Variants in MGST1 observed in about 807,000 individuals in gnomAD.
MGST1 encodes microsomal glutathione S-transferase 1.
A neutral mutation model predicts 8.9 loss-of-function variants in MGST1; 5 were observed. The ratio of observed to expected loss-of-function variants is 0.56; its 90% CI spans 0.29 to 1.19. The LOEUF is 1.19. Ranked by LOEUF, MGST1 falls within the 50% of genes most tolerant of loss-of-function variation. The pLI, the probability that MGST1 is intolerant of heterozygous loss-of-function variation, is 0.08. For synonymous variants in MGST1, 54 were observed against 67.8 expected (o/e 0.80, Z 1.00); for missense variants, 182 against 187.4 (o/e 0.97, Z 0.17).
intron 4 of MGST1, among the ~76,000 whole-genome samples, chr12:16,506,303 A>T (rs932370885): frequency 2.0e-5 from 3 of 152,122 alleles, no homozygotes; most frequent in African/African-American, 4.8e-5. Context: ...AGTACAGGAG[A>T]ATTACCCTGA....
At position 16,560,757 on chromosome 12, in the gene MGST1, G is replaced by A; in HGVS notation, n.483-28771G>A. On this transcript the variant is annotated intron_variant and non_coding_transcript_variant, in intron 4 of 4. Transcript: ENST00000538857. The surrounding 1 kb of genome is among the most constrained non-coding windows in gnomAD (Gnocchi z 5.0). Reference sequence around the variant, plus strand: ...AATCACATCTTGTTTGAGAAGAAAAGGAAAAGACAAATACATTAGGAAGCT... The same window carrying A: ...AATCACATCTTGTTTGAGAAGAAAAAGAAAAGACAAATACATTAGGAAGCT... The A allele has an allele frequency of 5.2e-6, 3 of 572,990 alleles. No individual in the cohort carries two copies. The highest frequency in any genetic ancestry group is 3.7e-5 in the East Asian group (1 of 27,386). 35.5% of individuals were successfully genotyped at this position (572,990 alleles called of 1,614,324 possible).
At chr12:16,435,371 A>T (rs947616121) in intron 1 of MGST1, among the ~76,000 whole-genome samples, 4 of 151,858 alleles carry the variant, frequency 2.6e-5, no homozygotes, top group East Asian at 1.9e-4. Context: ...ACTACTAAGG[A>T]TTTTCTTTTT....
At chr12:16,453,142 A>G (rs1937934413) in intron 4 of MGST1, among the ~76,000 whole-genome samples, 1 of 151,946 alleles carries the variant, frequency 6.6e-6, no homozygotes, top group Non-Finnish European at 1.5e-5. Context: ...AACCAAGAAC[A>G]CTGATGGGGA....
chr12:16,514,723 C>T (rs540611482), intron 4 of MGST1, among the ~76,000 whole-genome samples: 1 of 151,700 alleles, frequency 6.6e-6, no homozygotes, highest in African/African-American at 2.4e-5. Flanking sequence ...GCCTCTGCTA[C>T]TGGGAGCTTC....
intron 1 of MGST1, among the ~76,000 whole-genome samples, chr12:16,414,399 T>TA (rs1810763996): frequency 6.7e-6 from 1 of 149,460 alleles, no homozygotes; most frequent in African/African-American, 2.4e-5. Context: ...GTTTTTATTT[T>TA]TTTTTTTATT....
At chr12:16,590,781 G>T (rs780432517), downstream of MGST1, among the ~76,000 whole-genome samples, 1 of 152,078 alleles carries the variant, frequency 6.6e-6, no homozygotes, top group Non-Finnish European at 1.5e-5. Context: ...ATAGACGAAT[G>T]TAGATGCATC....
chr12:16,402,122 G>A, intron 1 of MGST1: 2 of 1,511,340 alleles, frequency 1.3e-6, no homozygotes, highest in Non-Finnish European at 1.8e-6. Context: ...TGATGGCAGG[G>A]GCTCCATTAG....
intron 4 of MGST1, among the ~76,000 whole-genome samples, chr12:16,540,478 A>G (rs1941786215): frequency 6.6e-6 from 1 of 152,198 alleles, no homozygotes; most frequent in African/African-American, 2.4e-5. Context: ...GATGCATAAG[A>G]AAGAAGAAAA....
At chr12:16,523,604 G>A (rs1008627872) in intron 4 of MGST1, among the ~76,000 whole-genome samples, 2 of 151,888 alleles carry the variant, frequency 1.3e-5, no homozygotes, top group African/African-American at 2.4e-5. Context: ...GTTACAAGAC[G>A]GGCTTATGAT....
chr12:16,528,128 C>T (rs867781365), intron 4 of MGST1, among the ~76,000 whole-genome samples: 1 of 152,100 alleles, frequency 6.6e-6, no homozygotes, highest in South Asian at 2.1e-4. Flanking sequence ...GATGAATTAA[C>T]AAAATAATTA....
chr12:16,508,406 G>A (rs1941555252), intron 4 of MGST1, among the ~76,000 whole-genome samples: 1 of 152,096 alleles, frequency 6.6e-6, no homozygotes, highest in Admixed American at 6.5e-5. Flanking sequence ...AATAGCGATG[G>A]TCTCTGTCAG....
In MGST1 at chr12:16,491,818, A is replaced by G. The variant is rs571877290; in HGVS notation, n.483-97710A>G. Among the ~76,000 whole-genome samples, 52 of 152,264 alleles carry G rather than the reference A, an allele frequency of 3.4e-4. No individual in the cohort carries two copies. The South Asian group carries it at 0.011, about 31-fold the overall frequency. ...TTCTTTCATGAAATAAGTGATCAGT[A>G]ACTTTTTCTTTTTGGTAATACCTTT... On this transcript the variant is annotated intron_variant and non_coding_transcript_variant, in intron 4 of 4. Coordinates refer to the MGST1 transcript ENST00000538857.
chr12:16,379,350 A>G (rs1480800492), downstream of MGST1, among the ~76,000 whole-genome samples: 1 of 152,194 alleles, frequency 6.6e-6, no homozygotes, highest in Non-Finnish European at 1.5e-5. Flanking sequence ...GAGAGTTTTT[A>G]GCATGAAGAG....
In MGST1 at chr12:16,585,295, T is replaced by C. The variant is rs949066972; in HGVS notation, n.483-4233T>C. Among the ~76,000 whole-genome samples the C allele has an allele frequency of 1.3e-5, 2 of 152,190 alleles. No homozygotes were observed. The highest frequency in any genetic ancestry group is 2.9e-5 in the Non-Finnish European group (2 of 68,044). ...AAGTATCATGGTAGAAAACAAGTTATTGATTACTGCTTCAAGAAAAAGGAT... is the reference window on the plus strand; with the variant it reads ...AAGTATCATGGTAGAAAACAAGTTACTGATTACTGCTTCAAGAAAAAGGAT... On this transcript the variant is annotated intron_variant and non_coding_transcript_variant, in intron 4 of 4. Coordinates refer to the MGST1 transcript ENST00000538857. This position sits in a 1 kb window ranked among gnomAD's most constrained non-coding sequence, Gnocchi z 4.7.
At chr12:16,487,880 G>A (rs1337821136) in intron 4 of MGST1, among the ~76,000 whole-genome samples, 1 of 152,074 alleles carries the variant, frequency 6.6e-6, no homozygotes, top group African/African-American at 2.4e-5. Context: ...GTGGGCTTAA[G>A]TATATTATTT....
chr12:16,565,983 C>CATAT lies in MGST1; in HGVS notation n.483-23491_483-23488dup, dbSNP rs61358392. ...GGATGAATGGATGAAGAAAATGTGC[C>CATAT]ATATATATATATATATATATATATA... On this transcript the variant is annotated intron_variant and non_coding_transcript_variant, in intron 4 of 4. Coordinates refer to the MGST1 transcript ENST00000538857. Among the ~76,000 whole-genome samples the CATAT allele has an allele frequency of 1.0e-3, 45 of 43,830 alleles. 1 individual carries two copies. Among genetic ancestry groups the CATAT allele is most frequent in the Non-Finnish European group, 1.2e-3 (27 of 22,888 alleles). 28.8% of individuals were successfully genotyped at this position (43,830 alleles called of 152,430 possible).
chr12:16,565,213 C>T (rs1430281077), intron 4 of MGST1, among the ~76,000 whole-genome samples: 1 of 152,146 alleles, frequency 6.6e-6, no homozygotes, highest in African/African-American at 2.4e-5. Flanking sequence ...TATGAAATTG[C>T]AATCAATTGA....
At chr12:16,473,307 A>C (rs1941299774) in intron 4 of MGST1, among the ~76,000 whole-genome samples, 1 of 152,170 alleles carries the variant, frequency 6.6e-6, no homozygotes, top group African/African-American at 2.4e-5. Context: ...ACATCCTACA[A>C]CGCACAGGAC....
chr12:16,437,874 A>AT (rs998615191), exon 2 of MGST1: 90 of 151,052 alleles, frequency 6.0e-4, no homozygotes, highest in African/African-American at 2.1e-3. Context: ...AAAAGTAGAA[A>AT]AAAACCCCTC....
Sources: gnomAD v4.1 joint callset for allele counts (sites outside exome capture counted in the v4.1 genomes callset) on GRCh38, gnomAD v4.1.1 for gene constraint, Gnocchi (gnomAD v3.1) non-coding constraint, MANE v1.5 for transcripts, NCBI Gene and HGNC (gene_info 2026-07-23, HGNC 2026-07-21) for gene names.